NAALADL2: variants seen among roughly 807,000 people sequenced by gnomAD.
NAALADL2 encodes N-acetylated alpha-linked acidic dipeptidase like 2.
Under a neutral mutation model 87.2 loss-of-function variants are expected in NAALADL2, and 76 were observed. That is an observed-to-expected ratio of 0.87 (90% CI 0.72 to 1.05). The LOEUF is 1.05. Ranked by LOEUF, NAALADL2 falls within the 50% of genes least tolerant of loss-of-function variation. The pLI, the probability that NAALADL2 is intolerant of heterozygous loss-of-function variation, is 0.00. For synonymous variants in NAALADL2, 354 were observed against 331.0 expected, an observed-to-expected ratio of 1.07 and a Z score of -0.75; for missense variants, 1,089 against 945.8, an observed-to-expected ratio of 1.15 and a Z score of -1.99.
chr3:175,763,004 A>G (rs1167113598), intron 13 of NAALADL2, among the ~76,000 whole-genome samples: 1 of 152,112 alleles, frequency 6.6e-6, no homozygotes, highest in Non-Finnish European at 1.5e-5. Flanking sequence ...GAATGGCATG[A>G]ACCCAGGAGG....
chr3:174,658,199 G>C (rs1725163587), intron 2 of NAALADL2, among the ~76,000 whole-genome samples: 1 of 152,136 alleles, frequency 6.6e-6, no homozygotes, highest in South Asian at 2.1e-4. Context: ...CCACCAAACT[G>C]TCTTCCCAAG....
chr3:175,566,237 A>G (rs1717133723), intron 9 of NAALADL2, among the ~76,000 whole-genome samples: 1 of 152,172 alleles, frequency 6.6e-6, no homozygotes, highest in African/African-American at 2.4e-5. Context: ...AAAATGTAAC[A>G]TTTATTTTTT....
chr3:175,258,887 A>G (rs2862002), intron 4 of NAALADL2, among the ~76,000 whole-genome samples: 60,681 of 152,016 alleles, frequency 0.4, 12,460 homozygotes, highest in South Asian at 0.55. Flanking sequence ...ATGAGTAGGC[A>G]GCAGAAAAAT....
intron 1 of NAALADL2, among the ~76,000 whole-genome samples, chr3:174,965,301 A>G (rs1460029122): frequency 2.0e-5 from 3 of 152,128 alleles, no homozygotes; most frequent in Non-Finnish European, 4.4e-5. Context: ...AAAGCAAGAA[A>G]TCAAGGTCAA....
intron 1 of NAALADL2, chr3:175,079,327 T>G (rs893492067): frequency 6.6e-6 from 1 of 152,224 alleles, no homozygotes; most frequent in African/African-American, 2.4e-5. Context: ...TGGACTCAAA[T>G]ATTTTATTAG....
intron 3 of NAALADL2, among the ~76,000 whole-genome samples, chr3:174,827,885 C>A (rs1722176624): frequency 6.6e-6 from 1 of 152,082 alleles, no homozygotes; most frequent in Non-Finnish European, 1.5e-5. Flanking sequence ...GCATGGGACT[C>A]AAAGTTATCA....
chr3:174,616,748 G>A (rs4597722), intron 2 of NAALADL2, among the ~76,000 whole-genome samples: 71,971 of 151,548 alleles, frequency 0.47, 17,909 homozygotes, highest in East Asian at 0.81. Flanking sequence ...GGCAAGCTGC[G>A]TCTATGATAG....
intron 2 of NAALADL2, among the ~76,000 whole-genome samples, chr3:174,722,723 A>G (rs117168354): frequency 1.3e-5 from 2 of 152,232 alleles, no homozygotes; most frequent in African/African-American, 2.4e-5. Flanking sequence ...TAAATAAGGT[A>G]GGATGGAAAT....
chr3:174,755,514 T>C (rs1193900852), intron 3 of NAALADL2, among the ~76,000 whole-genome samples: 1 of 152,192 alleles, frequency 6.6e-6, no homozygotes, highest in Admixed American at 6.5e-5. Context: ...ATATACTCTT[T>C]AATAAAAAAT....
chr3:175,424,691 G>A (rs1275174970), intron 5 of NAALADL2, among the ~76,000 whole-genome samples: 1 of 152,134 alleles, frequency 6.6e-6, no homozygotes, highest in East Asian at 1.9e-4. Flanking sequence ...CTGTAGCCTT[G>A]TAGGATGGTT....
intron 1 of NAALADL2, among the ~76,000 whole-genome samples, chr3:174,521,004 T>TA (rs538580463): frequency 5.7e-4 from 87 of 151,334 alleles, no homozygotes; most frequent in Non-Finnish European, 6.3e-4. Context: ...TATTAAAAAA[T>TA]AAAAAAAACA....
chr3:174,691,547 CCA>C (rs1437412444), intron 2 of NAALADL2, among the ~76,000 whole-genome samples: 1 of 152,060 alleles, frequency 6.6e-6, no homozygotes, highest in African/African-American at 2.4e-5. Flanking sequence ...TGCTGACTAA[CCA>C]GAGTCATAGT....
intron 9 of NAALADL2, among the ~76,000 whole-genome samples, chr3:175,528,547 T>C (rs907592565): frequency 6.6e-6 from 1 of 151,994 alleles, no homozygotes; most frequent in African/African-American, 2.4e-5. Context: ...TTCAATCCAA[T>C]CAAGTTGACA....
intron 11 of NAALADL2, among the ~76,000 whole-genome samples, chr3:175,728,093 G>T (rs138937780): frequency 8.6e-4 from 131 of 152,158 alleles, no homozygotes; most frequent in Non-Finnish European, 1.5e-4. Flanking sequence ...ATATAAACTT[G>T]TCAAATTATA....
intron 3 of NAALADL2, among the ~76,000 whole-genome samples, chr3:174,817,682 A>T (rs1031190830): frequency 3.3e-5 from 5 of 152,116 alleles, no homozygotes; most frequent in South Asian, 2.1e-4. Flanking sequence ...AACATTAAAA[A>T]CAAATGCTTT....
At chr3:175,339,154 T>C (rs911278832) in intron 5 of NAALADL2, among the ~76,000 whole-genome samples, 13 of 151,562 alleles carry the variant, frequency 8.6e-5, no homozygotes, top group African/African-American at 3.1e-4. Flanking sequence ...AAGTTAAATC[T>C]TGGATTTAAT....
At chr3:175,299,914 G>A (rs1247316273) in intron 4 of NAALADL2, among the ~76,000 whole-genome samples, 1 of 152,138 alleles carries the variant, frequency 6.6e-6, no homozygotes, top group Admixed American at 6.5e-5. Context: ...TATGATATTG[G>A]CTGTGGGTTT....
intron 3 of NAALADL2, among the ~76,000 whole-genome samples, chr3:174,778,677 G>A (rs1460976201): frequency 1.3e-5 from 2 of 151,980 alleles, no homozygotes; most frequent in Non-Finnish European, 2.9e-5. Flanking sequence ...CCCTCCCTGT[G>A]TCCATATGTT....
intron 11 of NAALADL2, among the ~76,000 whole-genome samples, chr3:175,715,547 G>T (rs1285129715): frequency 1.3e-5 from 2 of 152,044 alleles, no homozygotes; most frequent in Non-Finnish European, 2.9e-5. Context: ...ATCAAAGAAT[G>T]TTAGGACGTC....
Sources: allele counts gnomAD v4.1 joint callset (sites outside exome capture counted in the v4.1 genomes callset), GRCh38; gene constraint gnomAD v4.1.1; transcripts MANE v1.5; gene names NCBI Gene and HGNC (gene_info 2026-07-23, HGNC 2026-07-21).